The following MEGF10 variants were observed in gnomAD, a reference collection of about 807,000 sequenced individuals.
The protein encoded by MEGF10 is multiple epidermal growth factor-like domains protein 10.
MEGF10 carries 86 observed loss-of-function variants against 147.5 expected under a neutral mutation model. That is an observed-to-expected ratio of 0.58 (90% CI 0.49 to 0.70). MEGF10 has a LOEUF of 0.70. Among genes scored for constraint, MEGF10 ranks in the 30% least tolerant of loss-of-function variants. The pLI is 0.00. For missense variants in MEGF10, 1,329 were observed against 1,487.3 expected (o/e 0.89, Z 1.75); for synonymous variants, 478 against 525.5 (o/e 0.91, Z 1.24).
intron 13 of MEGF10, among the ~76,000 whole-genome samples, chr5:127,425,057 A>T (rs2126984407): frequency 6.6e-6 from 1 of 152,334 alleles, no homozygotes; most frequent in South Asian, 2.1e-4. Flanking sequence ...GTGTTCCTGA[A>T]CACACCAGTC....
chr5:127,426,561 C>T (rs1765215507), intron 13 of MEGF10, among the ~76,000 whole-genome samples: 2 of 152,020 alleles, frequency 1.3e-5, no homozygotes, highest in Admixed American at 1.3e-4. Flanking sequence ...CACCTCTGGA[C>T]CTCTGGTACA....
At chr5:127,230,490 A>G in the MEGF10 span, among the ~76,000 whole-genome samples, 1 of 152,162 alleles carries the variant, frequency 6.6e-6, no homozygotes, top group Non-Finnish European at 1.5e-5. Flanking sequence ...CTGCTCTGGG[A>G]GTCCCAGATC....
chr5:127,406,208 C>G (rs1028476986), intron 8 of MEGF10, among the ~76,000 whole-genome samples: 1 of 152,102 alleles, frequency 6.6e-6, no homozygotes, highest in African/African-American at 2.4e-5. Context: ...GAGCTTATAC[C>G]TATTTCATCT....
the MEGF10 span, among the ~76,000 whole-genome samples, chr5:127,240,989 T>G: frequency 6.6e-6 from 1 of 152,322 alleles, no homozygotes; most frequent in African/African-American, 2.4e-5. Context: ...TTTCTTCTCC[T>G]TCAGATTTAT....
intron 5 of MEGF10, 40 bp from the exon 6 acceptor site, chr5:127,396,492 C>T: frequency 6.7e-7 from 1 of 1,500,882 alleles, no homozygotes; most frequent in Non-Finnish European, 8.9e-7. Context: ...CTGGTTCTCC[C>T]TTACCCACTG....
At chr5:127,449,492 T>C (rs1766075955) in intron 22 of MEGF10, among the ~76,000 whole-genome samples, 1 of 152,236 alleles carries the variant, frequency 6.6e-6, no homozygotes, top group East Asian at 1.9e-4. Flanking sequence ...TCTTGCTCTA[T>C]GCCTGTTAAC....
At chr5:127,293,058 A>G (rs1759331151) in intron 1 of MEGF10, among the ~76,000 whole-genome samples, 1 of 152,182 alleles carries the variant, frequency 6.6e-6, no homozygotes. Flanking sequence ...GACCTCAAGC[A>G]GATTGCTTTT....
At chr5:127,382,344 G>A (rs1016184364) in intron 5 of MEGF10, among the ~76,000 whole-genome samples, 4 of 152,138 alleles carry the variant, frequency 2.6e-5, no homozygotes, top group African/African-American at 9.7e-5. Context: ...AATAAATGGT[G>A]TCATCTTAAA....
the MEGF10 span, among the ~76,000 whole-genome samples, chr5:127,252,652 A>T: frequency 6.6e-6 from 1 of 151,928 alleles, no homozygotes; most frequent in Non-Finnish European, 1.5e-5. Flanking sequence ...AATTGTGGTT[A>T]ACTCTGGGGA....
intron 11 of MEGF10, among the ~76,000 whole-genome samples, 181 bp from the exon 12 acceptor site, chr5:127,419,863 C>T (rs1208081978): frequency 6.6e-6 from 1 of 152,178 alleles, no homozygotes; most frequent in Non-Finnish European, 1.5e-5. Context: ...TTTGGGTCGT[C>T]AGGGGTGCCT....
the MEGF10 span, among the ~76,000 whole-genome samples, chr5:127,255,694 G>A: frequency 1.3e-5 from 2 of 152,246 alleles, no homozygotes; most frequent in African/African-American, 4.8e-5. Context: ...AGCACTTAAG[G>A]AAAATCTGAG....
chr5:127,275,392 A>G, the MEGF10 span, among the ~76,000 whole-genome samples: 1 of 152,154 alleles, frequency 6.6e-6, no homozygotes, highest in African/African-American at 2.4e-5. Flanking sequence ...TAGAGTCTCT[A>G]TCTATCAGAG....
At chr5:127,268,871 G>A in the MEGF10 span, among the ~76,000 whole-genome samples, 134 of 152,328 alleles carry the variant, frequency 8.8e-4, no homozygotes, top group African/African-American at 3.0e-3. Flanking sequence ...ACTCAGCCAG[G>A]TACCCCTTTG....
intron 1 of MEGF10, among the ~76,000 whole-genome samples, chr5:127,301,270 C>G (rs1283514764): frequency 6.6e-6 from 1 of 152,160 alleles, no homozygotes; most frequent in African/African-American, 2.4e-5. Flanking sequence ...CCCTTGTCCT[C>G]CATCAGTGTG....
At chr5:127,341,530 G>C (rs546455278) in intron 4 of MEGF10, among the ~76,000 whole-genome samples, 1 of 152,196 alleles carries the variant, frequency 6.6e-6, no homozygotes, top group South Asian at 2.1e-4. Flanking sequence ...CCATTTATAC[G>C]TCTTGGAGGT....
At chr5:127,238,871 T>TAAA in the MEGF10 span, among the ~76,000 whole-genome samples, 1,382 of 152,304 alleles carry the variant, frequency 9.1e-3, 30 homozygotes, top group African/African-American at 0.032. Flanking sequence ...CCTTGTCTGG[T>TAAA]TTCCACAGTA....
the MEGF10 span, among the ~76,000 whole-genome samples, chr5:127,282,109 G>T: frequency 1.3e-5 from 2 of 152,172 alleles, no homozygotes; most frequent in Non-Finnish European, 2.9e-5. Context: ...GAGATGGCTG[G>T]TTTCTACCTC....
In MEGF10 at chr5:127,307,413, T is replaced by C. The variant is rs1019475734; in HGVS notation, c.-19+16357T>C. On this transcript the variant is annotated intron_variant, in intron 1 of 24. Coordinates refer to ENST00000503335, the MANE Select transcript of MEGF10 (RefSeq NM_001256545.2). ...CAAAAGCTATGGCAGAGCCCCAGCT[T>C]CGCCTGGGCTAGATGTTTTGCCTGG... 3.3e-5 allele frequency among the ~76,000 whole-genome samples: 5 copies of C among 152,178 alleles called. No individual in the cohort carries two copies. The East Asian group carries it at 9.6e-4, about 29-fold the overall frequency.
At chr5:127,445,148 T>A in intron 19 of MEGF10, 1 of 305,850 alleles carries the variant, frequency 3.3e-6, no homozygotes, top group Non-Finnish European at 6.1e-6. Flanking sequence ...GCCAGGCTGG[T>A]CTCTAACTGC....
Sources: gnomAD v4.1 joint callset for allele counts (sites outside exome capture counted in the v4.1 genomes callset) on GRCh38, gnomAD v4.1.1 for gene constraint, MANE v1.5 for transcripts, NCBI Gene and HGNC (gene_info 2026-07-23, HGNC 2026-07-21) for gene names.